CEP57L1: variants seen among roughly 807,000 people sequenced by gnomAD.
CEP57L1 encodes the protein centrosomal protein CEP57L1.
CEP57L1 carries 37 observed loss-of-function variants against 61.0 expected under a neutral mutation model. The ratio of observed to expected loss-of-function variants is 0.61; its 90% CI spans 0.47 to 0.80. The LOEUF (loss-of-function observed/expected upper bound fraction) is 0.80. Ranked by LOEUF, CEP57L1 falls within the 30% of genes least tolerant of loss-of-function variation. The pLI is 0.00. For synonymous variants in CEP57L1, 137 were observed against 162.3 expected (o/e 0.84, Z 1.19); for missense variants, 422 against 524.7 (o/e 0.80, Z 1.91).
At chr6:109,160,511 A>T (rs1773619430) in intron 9 of CEP57L1, 61 bp from the exon 10 acceptor site, 4 of 1,346,580 alleles carry the variant, frequency 3.0e-6, no homozygotes, top group Middle Eastern at 1.8e-4. Flanking sequence ...TTGCTTAATT[A>T]TGGCAAAGAA....
At chr6:109,095,674 C>T (rs1781603845) in intron 1 of CEP57L1, 99 bp downstream of exon 1, 1 of 761,706 alleles carries the variant, frequency 1.3e-6, no homozygotes, top group African/African-American at 1.9e-5. Flanking sequence ...AGGGTGGCCT[C>T]CCTTAGTCCA....
At position 109,158,508 on chromosome 6, in the gene CEP57L1, G is replaced by T. The variant is rs183936090; in HGVS notation, c.745-517G>T. The T allele has an allele frequency of 1.3e-4, 52 of 394,152 alleles. 2 individuals carry two copies. In the East Asian group the frequency reaches 3.0e-3, roughly 23 times the overall value. The allele number at this position is 394,152 out of a possible 1,614,324, so 24.4% of individuals were successfully genotyped here. On this transcript the variant is annotated intron_variant, in intron 7 of 10. Transcript: ENST00000517392. Reference sequence around the variant, plus strand: ...TATCTCAAAAAAAAAAGGATATTTCGATTGTTTCCAGGTTTTTAGCTATTA... The same window carrying T: ...TATCTCAAAAAAAAAAGGATATTTCTATTGTTTCCAGGTTTTTAGCTATTA...
intron 1 of CEP57L1, among the ~76,000 whole-genome samples, chr6:109,140,173 A>C (rs1384637626): frequency 6.6e-6 from 1 of 151,664 alleles, no homozygotes; most frequent in African/African-American, 2.4e-5. Flanking sequence ...GCTCACTGCA[A>C]CCTCCGCCTT....
chr6:109,114,497 TA>T lies in CEP57L1; in HGVS notation c.-4+18933del, dbSNP rs796794529. 9.6e-3 allele frequency among the ~76,000 whole-genome samples: 1,402 copies of T among 145,958 alleles called. 27 individuals are homozygous for T. The highest frequency in any genetic ancestry group is 0.033 in the African/African-American group (1,324 of 40,072). ...AAACAACAGAATACTGTTTAGCCTT[TA>T]AAAAAAAAAACAGGAAATTTCTTCA... On this transcript the variant is annotated intron_variant, in intron 1 of 10. Transcript: ENST00000517392.
intron 1 of CEP57L1, among the ~76,000 whole-genome samples, chr6:109,136,248 A>T (rs544671879): frequency 6.6e-6 from 1 of 152,238 alleles, no homozygotes; most frequent in African/African-American, 2.4e-5. Flanking sequence ...AAAAAGGATG[A>T]GTTCATGTCC....
chr6:109,116,467 C>T (rs573295857), intron 1 of CEP57L1, among the ~76,000 whole-genome samples: 161 of 152,208 alleles, frequency 1.1e-3, no homozygotes, highest in African/African-American at 3.7e-3. Context: ...TGAGCCACGG[C>T]GCCCAGCTCC....
chr6:109,152,030 C>G (rs965518896), intron 4 of CEP57L1, among the ~76,000 whole-genome samples: 1 of 152,054 alleles, frequency 6.6e-6, no homozygotes. Flanking sequence ...TAAATTGGAA[C>G]ATTTTCAACT....
At chr6:109,151,124 GAAGTA>G (rs747077209) in intron 4 of CEP57L1, among the ~76,000 whole-genome samples, 2 of 152,154 alleles carry the variant, frequency 1.3e-5, no homozygotes, top group East Asian at 1.9e-4. Flanking sequence ...ATGTTAGGAA[GAAGTA>G]AAGTAGTTTA....
In CEP57L1 at chr6:109,159,312, A is replaced by T. The variant is rs779626192; in HGVS notation, c.866A>T (p.Asn289Ile). 4 of 1,614,068 alleles carry T rather than the reference A, an allele frequency of 2.5e-6. No individual in the cohort carries two copies. The South Asian group carries it at 4.4e-5, about 18-fold the overall frequency. ...RDPHILQKPF[N>I]VTETRCLPKP... ...CCACATATCCTTCAGAAACCTTTTA[A>T]CGTGACTGAGACTAGATGTCTCCCC... Residue 289 changes from asparagine to isoleucine, a missense_variant, in exon 9 of 11, where the codon AAC becomes ATC. Transcript: ENST00000517392.
At chr6:109,130,773 T>C (rs1774099902) in intron 1 of CEP57L1, 1 of 151,828 alleles carries the variant, frequency 6.6e-6, no homozygotes, top group Non-Finnish European at 1.5e-5. Context: ...ACTGCATAGG[T>C]GATGTTGCGT....
At chr6:109,147,351 A>G (rs1772081144) in intron 3 of CEP57L1, among the ~76,000 whole-genome samples, 1 of 152,174 alleles carries the variant, frequency 6.6e-6, no homozygotes, top group Admixed American at 6.5e-5. Context: ...TAAAACCAAT[A>G]AAAATGAATA....
intron 1 of CEP57L1, among the ~76,000 whole-genome samples, chr6:109,124,722 G>A (rs2114719912): frequency 6.6e-6 from 1 of 152,186 alleles, no homozygotes; most frequent in East Asian, 1.9e-4. Flanking sequence ...TTTTGCTTGT[G>A]AAATGCCAAA....
chr6:109,147,854 C>T (rs12199109), intron 3 of CEP57L1, among the ~76,000 whole-genome samples: 5,124 of 152,252 alleles, frequency 0.034, 118 homozygotes, highest in Non-Finnish European at 0.048. Flanking sequence ...TATCATCCCA[C>T]AAGTTACTGA....
chr6:109,106,048 G>C (rs905705323), intron 1 of CEP57L1: 1 of 152,398 alleles, frequency 6.6e-6, no homozygotes, highest in Non-Finnish European at 1.5e-5. Context: ...GGACTGTCTA[G>C]TTGCAAAAAC....
At chr6:109,134,416 A>T (rs1182080817) in intron 1 of CEP57L1, among the ~76,000 whole-genome samples, 1 of 152,196 alleles carries the variant, frequency 6.6e-6, no homozygotes, top group Non-Finnish European at 1.5e-5. Context: ...CGTATCTCAA[A>T]ATAATAAGAG....
chr6:109,156,292 A>G (rs1773210843), intron 7 of CEP57L1: 1 of 153,064 alleles, frequency 6.5e-6, no homozygotes, highest in African/African-American at 2.4e-5. Context: ...TACTGACAAC[A>G]TAATAAATCC....
intron 10 of CEP57L1, among the ~76,000 whole-genome samples, chr6:109,161,800 A>G (rs1284379765): frequency 6.6e-6 from 1 of 152,114 alleles, no homozygotes; most frequent in African/African-American, 2.4e-5. Flanking sequence ...AACATGATTT[A>G]TATTCCATAA....
intron 1 of CEP57L1, among the ~76,000 whole-genome samples, chr6:109,114,431 G>GT (rs1401154107): frequency 6.6e-6 from 1 of 151,662 alleles, no homozygotes; most frequent in Admixed American, 6.6e-5. Context: ...CATAGTTTGA[G>GT]TTTTTTGTAT....
chr6:109,103,431 T>C (rs986691475), intron 1 of CEP57L1, among the ~76,000 whole-genome samples: 3 of 152,208 alleles, frequency 2.0e-5, no homozygotes, highest in Non-Finnish European at 4.4e-5. Context: ...ACAAGGTCGA[T>C]TTGAATTCCT....
Sources: gnomAD v4.1 joint callset for allele counts (sites outside exome capture counted in the v4.1 genomes callset) on GRCh38, gnomAD v4.1.1 for gene constraint, MANE v1.5 for transcripts, NCBI Gene and HGNC (gene_info 2026-07-23, HGNC 2026-07-21) for gene names.